The following MAPK14 variants were observed in gnomAD, a reference collection of about 807,000 sequenced individuals.
MAPK14 encodes the protein mitogen-activated protein kinase 14.
Under a neutral mutation model 49.6 loss-of-function variants are expected in MAPK14, and 16 were observed. The ratio of observed to expected loss-of-function variants is 0.32; its 90% confidence interval spans 0.22 to 0.49. The LOEUF (loss-of-function observed/expected upper bound fraction) is 0.49. Ranked by LOEUF, MAPK14 falls within the 20% of genes least tolerant of loss-of-function variation. The pLI is 0.99. For synonymous variants in MAPK14, 142 were observed against 158.0 expected, an observed-to-expected ratio of 0.90 and a Z score of 0.76; for missense variants, 200 against 441.2, an observed-to-expected ratio of 0.45 and a Z score of 4.90.
chr6:36,101,741 G>GT (rs1205696665), intron 9 of MAPK14, among the ~76,000 whole-genome samples: 1 of 152,066 alleles, frequency 6.6e-6, no homozygotes, highest in East Asian at 1.9e-4. Context: ...CAAAGTCCTG[G>GT]GCTCAAGCGA....
At chr6:36,124,118 T>TCCCTCCCTA in the MAPK14 span, among the ~76,000 whole-genome samples, 1 of 38,618 alleles carries the variant, frequency 2.6e-5, no homozygotes, top group Non-Finnish European at 6.3e-5. Flanking sequence ...TCTCTCTCTC[T>TCCCTCCCTA]CCTCCCTCCC....
intron 7 of MAPK14, 148 bp downstream of exon 7, chr6:36,076,110 C>G: frequency 1.2e-6 from 1 of 819,898 alleles, no homozygotes; most frequent in South Asian, 1.8e-5. Flanking sequence ...AAATATTTCA[C>G]TTCCTCAGAT....
At chr6:36,123,685 C>T in the MAPK14 span, among the ~76,000 whole-genome samples, 1 of 152,216 alleles carries the variant, frequency 6.6e-6, no homozygotes, top group Non-Finnish European at 1.5e-5. Flanking sequence ...CTTACAGAGT[C>T]ATTGTCCAGA....
At chr6:36,092,093 C>T (rs1174107401) in intron 8 of MAPK14, 11 of 504,362 alleles carry the variant, frequency 2.2e-5, no homozygotes, top group East Asian at 5.4e-5. Context: ...TTTTCAGCTA[C>T]GAGAGCATCG....
At chr6:36,090,365 C>T (rs1765171322) in intron 8 of MAPK14, among the ~76,000 whole-genome samples, 2 of 151,898 alleles carry the variant, frequency 1.3e-5, no homozygotes, top group South Asian at 2.1e-4. Context: ...ACTCTGTTGC[C>T]TAGGCTGGAA....
the MAPK14 span, among the ~76,000 whole-genome samples, chr6:36,118,983 G>T: frequency 2.0e-5 from 3 of 152,256 alleles, no homozygotes; most frequent in African/African-American, 7.2e-5. Flanking sequence ...ACATTACTTT[G>T]TCTAACTATT....
Position 36,073,244 on chromosome 6 carries a change from C to T in MAPK14, c.417+260C>T, listed in dbSNP as rs554439431. On this transcript the variant is annotated intron_variant, in intron 4 of 11. Coordinates refer to ENST00000229794, the MANE Select transcript of MAPK14 (RefSeq NM_139012.3). ...AGTCTAGACATTATATAATACCATC[C>T]ATAGATACTTCAGTTTGCATATCTG... 22 of 463,830 alleles carry T rather than the reference C, an allele frequency of 4.7e-5. No homozygotes were observed. In the East Asian group the frequency reaches 7.1e-4, roughly 15 times the overall value. 28.7% of individuals were successfully genotyped at this position (463,830 alleles called of 1,614,324 possible).
rs778624298 is a variant in MAPK14 at position 36,028,184 on chromosome 6, C to T, written c.27C>T (p.Tyr9=). 1.9e-6 allele frequency: 3 copies of T among 1,613,372 alleles called. No homozygotes were observed. Among genetic ancestry groups the T allele is most frequent in the Admixed American group, 1.7e-5 (1 of 59,970 alleles). Residue 9 remains tyrosine (Y), a synonymous_variant, in exon 1 of 12, where the codon TAC becomes TAT. Transcript: ENST00000229794. This position sits in a 1 kb window ranked among gnomAD's most constrained non-coding sequence, Gnocchi z 5.1. The stretch of plus-strand genomic sequence containing the variant: ...TGTCTCAGGAGAGGCCCACGTTCTA[C>T]CGGCAGGAGCTGAACAAGACAATCT... MSQERPTF[Y]RQELNKTIWE...
intron 1 of MAPK14, among the ~76,000 whole-genome samples, chr6:36,032,090 T>G (rs1381835675): frequency 6.6e-6 from 1 of 152,070 alleles, no homozygotes; most frequent in Non-Finnish European, 1.5e-5. Context: ...CCCCTGAATT[T>G]TATTTTCAAG....
chr6:36,073,168 G>C, intron 4 of MAPK14, 184 bp downstream of exon 4: 1 of 580,958 alleles, frequency 1.7e-6, no homozygotes, highest in Non-Finnish European at 3.1e-6. Flanking sequence ...ACCGACATAT[G>C]GCCAATCATG....
At chr6:36,097,261 T>TCATG (rs1217554999) in intron 9 of MAPK14, 1 of 152,276 alleles carries the variant, frequency 6.6e-6, no homozygotes, top group African/African-American at 2.4e-5. Flanking sequence ...CTTTTCCATG[T>TCATG]CATGCACTGA....
At chr6:36,042,093 A>G (rs1762984138) in intron 1 of MAPK14, among the ~76,000 whole-genome samples, 1 of 152,216 alleles carries the variant, frequency 6.6e-6, no homozygotes, top group Non-Finnish European at 1.5e-5. Flanking sequence ...GACAGGAGGA[A>G]CATCTCAGGT....
chr6:36,090,527 CTT>C (rs576947380), intron 8 of MAPK14, among the ~76,000 whole-genome samples: 47 of 136,180 alleles, frequency 3.5e-4, no homozygotes, highest in Admixed American at 5.9e-4. Flanking sequence ...CCCTCTCTCT[CTT>C]TTTTTTTTTT....
Position 36,108,558 on chromosome 6 carries a change from G to A in MAPK14, c.*111G>A. The A allele has an allele frequency of 1.2e-6, 1 of 867,998 alleles. No homozygotes were observed. 53.8% of individuals were successfully genotyped at this position (867,998 alleles called of 1,614,324 possible). ...TCTTGTTGCAGAGATTTCCTCCATGGTGGAAGGGGGTGTGCGTGCGTGTGC... is the reference window on the plus strand; with the variant it reads ...TCTTGTTGCAGAGATTTCCTCCATGATGGAAGGGGGTGTGCGTGCGTGTGC... On this transcript the variant is annotated 3_prime_UTR_variant, in exon 12 of 12. Coordinates refer to ENST00000229794, the MANE Select transcript of MAPK14 (RefSeq NM_139012.3).
At chr6:36,100,762 G>A (rs1427647982) in intron 9 of MAPK14, among the ~76,000 whole-genome samples, 3 of 152,036 alleles carry the variant, frequency 2.0e-5, no homozygotes, top group African/African-American at 7.2e-5. Context: ...GTACAGTTAG[G>A]TACCTTCTTT....
intron 1 of MAPK14, among the ~76,000 whole-genome samples, chr6:36,045,645 A>G (rs1763143891): frequency 6.6e-6 from 1 of 151,922 alleles, no homozygotes. Context: ...CATCTCTACT[A>G]AAAATACAAA....
chr6:36,043,300 A>G (rs1294169587), intron 1 of MAPK14, among the ~76,000 whole-genome samples: 1 of 152,204 alleles, frequency 6.6e-6, no homozygotes, highest in Non-Finnish European at 1.5e-5. Flanking sequence ...TTTAAAGTCA[A>G]TCTTAAATCT....
intron 8 of MAPK14, among the ~76,000 whole-genome samples, chr6:36,087,382 C>T (rs1208806423): frequency 1.3e-5 from 2 of 152,188 alleles, no homozygotes; most frequent in Non-Finnish European, 2.9e-5. Flanking sequence ...TCTAGAAAAC[C>T]TTGTTGTCTC....
In MAPK14 at chr6:36,076,521, T is replaced by C; in HGVS notation, c.611-16T>C. On this transcript the variant is annotated splice_polypyrimidine_tract_variant and intron_variant, in intron 7 of 11. Transcript: ENST00000229794. ...GTGACATTGCATATACTTTTACTTC[T>C]TTTTAATTTTGCCAGTTGATATTTG... is the stretch of plus-strand genomic sequence containing the variant. The C allele has an allele frequency of 6.2e-7, 1 of 1,601,318 alleles. No individual in the cohort carries two copies. Among genetic ancestry groups the C allele is most frequent in the Non-Finnish European group, 8.6e-7 (1 of 1,168,504 alleles).
Sources: gnomAD v4.1 joint callset for allele counts (sites outside exome capture counted in the v4.1 genomes callset) on GRCh38, gnomAD v4.1.1 for gene constraint, Gnocchi (gnomAD v3.1) non-coding constraint, MANE v1.5 for transcripts, NCBI Gene and HGNC (gene_info 2026-07-23, HGNC 2026-07-21) for gene names.